Variants in TDRD7 observed in about 807,000 individuals in gnomAD.
The protein encoded by TDRD7 is tudor domain containing 7, also known as tudor domain-containing protein 7.
A neutral mutation model predicts 109.8 loss-of-function variants in TDRD7; 47 were observed. The ratio of observed to expected loss-of-function variants is 0.43; its 90% CI spans 0.34 to 0.55. The LOEUF is 0.55. Among genes scored for constraint, TDRD7 ranks in the 20% least tolerant of loss-of-function variants. The pLI is 0.03. For missense variants in TDRD7, 1,164 were observed against 1,319.2 expected, an observed-to-expected ratio of 0.88 and a Z score of 1.82; for synonymous variants, 424 against 457.3, an observed-to-expected ratio of 0.93 and a Z score of 0.93.
intron 4 of TDRD7, among the ~76,000 whole-genome samples, chr9:97,432,677 A>G (rs1828125409): frequency 6.6e-6 from 1 of 152,170 alleles, no homozygotes; most frequent in Admixed American, 6.5e-5. Context: ...AAGACAACCT[A>G]TAAGTCTTTG....
intron 6 of TDRD7, among the ~76,000 whole-genome samples, chr9:97,455,847 T>G (rs916163391): frequency 1.4e-4 from 21 of 152,124 alleles, no homozygotes; most frequent in Non-Finnish European, 7.4e-5. Context: ...AAGAAAGAAA[T>G]AAAGGGTATT....
chr9:97,443,815 T>C (rs1427995669), intron 6 of TDRD7, among the ~76,000 whole-genome samples: 1 of 152,218 alleles, frequency 6.6e-6, no homozygotes, highest in Non-Finnish European at 1.5e-5. Context: ...CTTAGAGCAT[T>C]TTTTTAATCA....
Position 97,478,508 on chromosome 9 carries a change from A to G in TDRD7, c.2236A>G (p.Lys746Glu). ...GGACTCTGGCACTGTGACATCTGTA[A>G]AAGTGTCAGAGCTCAGGGAAATTCC... is the stretch of plus-strand genomic sequence containing the variant. The part of the protein sequence containing the change: ...FLDSGTVTSV[K>E]VSELREIPPR... The change falls in exon 13 of 17, where the codon AAA becomes GAA. Residue 746 changes from lysine (K) to glutamate (E), a missense_variant. Physicochemically the swap from Lys to Glu is moderately conservative, Grantham distance 56. Around this residue, in one of 5 missense-constraint regions of TDRD7, gnomAD observed 233 missense variants for 218.0 expected, o/e 1.07. Coordinates refer to ENST00000355295, the MANE Select transcript of TDRD7 (RefSeq NM_014290.3). 1 of 1,614,042 alleles carries G rather than the reference A, an allele frequency of 6.2e-7. No individual in the cohort carries two copies. The highest frequency in any genetic ancestry group is 8.5e-7 in the Non-Finnish European group (1 of 1,179,970).
chr9:97,416,576 C>T (rs1018919608), intron 1 of TDRD7, among the ~76,000 whole-genome samples: 1 of 152,136 alleles, frequency 6.6e-6, no homozygotes, highest in Non-Finnish European at 1.5e-5. Context: ...CTGACAGGGC[C>T]TAATCTGGCT....
In TDRD7 at chr9:97,485,875, C is replaced by T. The variant is rs77860792; in HGVS notation, c.2916-1297C>T. On this transcript the variant is annotated intron_variant, in intron 15 of 16. Coordinates refer to ENST00000355295, the MANE Select transcript of TDRD7 (RefSeq NM_014290.3). ...CTCATGTACATACTATGTATCCTTT[C>T]TGTGTCCCAGTTGTCTCTGGGACTC... Among the ~76,000 whole-genome samples the T allele has an allele frequency of 8.3e-3, 1,257 of 152,302 alleles. 42 individuals carry two copies. The East Asian group carries it at 0.11, about 13-fold the overall frequency.
chr9:97,421,954 C>T (rs1488549566), intron 1 of TDRD7, among the ~76,000 whole-genome samples: 3 of 151,960 alleles, frequency 2.0e-5, no homozygotes, highest in African/African-American at 7.3e-5. Flanking sequence ...ATACTATTAG[C>T]CTTTTCATTT....
Position 97,484,488 on chromosome 9 carries a change from A to ACC in TDRD7, c.2915+1138_2915+1139insCC, listed in dbSNP as rs1554750209. ...CTCCCCAACACACACACACACACACACACACCCCAAAACTCAGTTTAAAAG... is the reference window on the plus strand; with the variant it reads ...CTCCCCAACACACACACACACACACACCCACACCCCAAAACTCAGTTTAAAAG... On this transcript the variant is annotated intron_variant, in intron 15 of 16. Coordinates refer to ENST00000355295, the MANE Select transcript of TDRD7 (RefSeq NM_014290.3). 1.2e-4 allele frequency among the ~76,000 whole-genome samples: 18 copies of ACC among 149,584 alleles called. No individual in the cohort carries two copies. The South Asian group carries it at 1.3e-3, about 10-fold the overall frequency.
chr9:97,463,629 G>A (rs544328310), intron 7 of TDRD7, among the ~76,000 whole-genome samples: 25 of 152,246 alleles, frequency 1.6e-4, no homozygotes, highest in African/African-American at 5.8e-4. Context: ...AAAAGGCCTC[G>A]ATCCTATGGC....
At chr9:97,468,506 T>A (rs1828856305) in intron 8 of TDRD7, among the ~76,000 whole-genome samples, 1 of 152,238 alleles carries the variant, frequency 6.6e-6, no homozygotes, top group South Asian at 2.1e-4. Flanking sequence ...GGGCCTGAAC[T>A]TGTTCCCCAC....
At chr9:97,457,126 A>G (rs566905886) in intron 6 of TDRD7, among the ~76,000 whole-genome samples, 4 of 152,330 alleles carry the variant, frequency 2.6e-5, no homozygotes, top group Non-Finnish European at 4.4e-5. Context: ...GTGAGATACT[A>G]TCTCATGCCA....
chr9:97,463,746 T>A (rs1828771042), intron 7 of TDRD7, among the ~76,000 whole-genome samples: 1 of 152,174 alleles, frequency 6.6e-6, no homozygotes, highest in African/African-American at 2.4e-5. Context: ...AAGAAAACAG[T>A]AGCCTGTTTT....
At chr9:97,466,052 T>C (rs959448934) in intron 8 of TDRD7, among the ~76,000 whole-genome samples, 1 of 152,222 alleles carries the variant, frequency 6.6e-6, no homozygotes, top group Non-Finnish European at 1.5e-5. Flanking sequence ...CAGGGAAATA[T>C]GTTTCTATTT....
chr9:97,475,831 A>G (rs888112325), intron 12 of TDRD7, among the ~76,000 whole-genome samples: 1 of 152,226 alleles, frequency 6.6e-6, no homozygotes, highest in African/African-American at 2.4e-5. Context: ...AAGTGTAACT[A>G]AATGAATAAA....
intron 6 of TDRD7, among the ~76,000 whole-genome samples, chr9:97,448,336 T>C (rs892658641): frequency 6.6e-6 from 1 of 152,214 alleles, no homozygotes; most frequent in Non-Finnish European, 1.5e-5. Flanking sequence ...TGCCCTTGCA[T>C]GTTTCACATC....
At chr9:97,471,539 T>C (rs1435130972) in intron 9 of TDRD7, among the ~76,000 whole-genome samples, 2 of 152,232 alleles carry the variant, frequency 1.3e-5, no homozygotes, top group East Asian at 3.9e-4. Context: ...CAAAGTTATA[T>C]GTCTGGAGAA....
chr9:97,460,175 C>T lies in TDRD7; in HGVS notation c.856-3C>T, dbSNP rs1828684630. 1 of 1,613,784 alleles carries T rather than the reference C, an allele frequency of 6.2e-7. No homozygotes were observed. On this transcript the variant is annotated splice_region_variant and splice_polypyrimidine_tract_variant and intron_variant, in intron 6 of 16. Coordinates refer to ENST00000355295, the MANE Select transcript of TDRD7 (RefSeq NM_014290.3). ...TGTCATTTGCTTTATTTAAAAATTT[C>T]AGGTGGAGAAACCTTGCAGTGGTGG...
chr9:97,475,590 A>G, intron 12 of TDRD7, 121 bp downstream of exon 12: 1 of 779,964 alleles, frequency 1.3e-6, no homozygotes, highest in South Asian at 1.5e-5. Context: ...TTATGAAATA[A>G]AACATGACCA....
chr9:97,455,374 C>CA (rs1828586141), intron 6 of TDRD7, among the ~76,000 whole-genome samples: 1 of 151,958 alleles, frequency 6.6e-6, no homozygotes, highest in Non-Finnish European at 1.5e-5. Flanking sequence ...TGCACAACAA[C>CA]AAAAAAACTT....
chr9:97,495,575 A>G, intron 16 of TDRD7, 88 bp from the exon 17 acceptor site: 1 of 1,306,220 alleles, frequency 7.7e-7, no homozygotes, highest in Non-Finnish European at 1.1e-6. Context: ...TTACTTTGGA[A>G]TTGACTAAAT....
Sources: allele counts gnomAD v4.1 joint callset (sites outside exome capture counted in the v4.1 genomes callset), GRCh38; gene constraint gnomAD v4.1.1; regional missense constraint gnomAD v4.1.1; transcripts MANE v1.5; gene names NCBI Gene and HGNC (gene_info 2026-07-23, HGNC 2026-07-21).